Variants in KDM4C observed in about 807,000 individuals in gnomAD.
The protein encoded by KDM4C is lysine-specific demethylase 4C.
A neutral mutation model predicts 129.3 loss-of-function variants in KDM4C; 81 were observed. That is an observed-to-expected ratio of 0.63 (90% confidence interval 0.52 to 0.75). The LOEUF (loss-of-function observed/expected upper bound fraction) is 0.75. Ranked by LOEUF, KDM4C falls within the 30% of genes least tolerant of loss-of-function variation. KDM4C has a pLI of 0.00. For missense variants in KDM4C, 1,457 were observed against 1,304.0 expected, an observed-to-expected ratio of 1.12 and a Z score of -1.81; for synonymous variants, 573 against 456.1, an observed-to-expected ratio of 1.26 and a Z score of -3.26.
At chr9:7,150,185 G>A (rs1256448960) in intron 19 of KDM4C, among the ~76,000 whole-genome samples, 1 of 152,222 alleles carries the variant, frequency 6.6e-6, no homozygotes, top group Non-Finnish European at 1.5e-5. Context: ...CCCACAGAGT[G>A]CCGCAGGAGC....
At chr9:6,859,012 A>G (rs931481540) in intron 5 of KDM4C, among the ~76,000 whole-genome samples, 1 of 152,184 alleles carries the variant, frequency 6.6e-6, no homozygotes, top group Non-Finnish European at 1.5e-5. Flanking sequence ...TAGGATTACA[A>G]ATAGATTTAT....
chr9:6,774,242 C>A (rs1822529722), intron 1 of KDM4C, among the ~76,000 whole-genome samples: 2 of 152,136 alleles, frequency 1.3e-5, no homozygotes, highest in South Asian at 4.1e-4. Context: ...AGTCTACAGT[C>A]CTCTGTTGGG....
intron 19 of KDM4C, among the ~76,000 whole-genome samples, chr9:7,152,174 A>T (rs1187022163): frequency 1.3e-5 from 2 of 152,222 alleles, no homozygotes; most frequent in African/African-American, 4.8e-5. Context: ...CCTTTTTACC[A>T]AGTAACTCTT....
intron 15 of KDM4C, among the ~76,000 whole-genome samples, chr9:7,027,101 G>A (rs1268818739): frequency 6.6e-6 from 1 of 152,000 alleles, no homozygotes; most frequent in Non-Finnish European, 1.5e-5. Flanking sequence ...GCCTTATTTA[G>A]TTTACTTGGT....
At chr9:7,128,598 ATTCTTTTATGACT>A (rs1840278395) in intron 19 of KDM4C, among the ~76,000 whole-genome samples, 1 of 152,216 alleles carries the variant, frequency 6.6e-6, no homozygotes, top group African/African-American at 2.4e-5. Flanking sequence ...ACAAATTTGA[ATTCTTTTATGACT>A]TTCTTTTCTT....
intron 1 of KDM4C, among the ~76,000 whole-genome samples, chr9:6,776,235 A>C (rs1033903823): frequency 2.0e-5 from 3 of 152,056 alleles, no homozygotes; most frequent in Non-Finnish European, 4.4e-5. Flanking sequence ...CAGGCTTTAC[A>C]GGTGTATGCC....
intron 8 of KDM4C, among the ~76,000 whole-genome samples, chr9:6,926,618 A>AGTAAGGAAGGCC (rs1340363162): frequency 6.6e-6 from 1 of 152,208 alleles, no homozygotes; most frequent in African/African-American, 2.4e-5. Context: ...CTCTAGCACG[A>AGTAAGGAAGGCC]GTAAGGAAGG....
chr9:6,731,759 C>G (rs1588038202), intron 1 of KDM4C, among the ~76,000 whole-genome samples: 1 of 152,152 alleles, frequency 6.6e-6, no homozygotes, highest in Non-Finnish European at 1.5e-5. Context: ...ACTTAGCTGA[C>G]AGTGTGACCA....
chr9:6,871,855 C>G (rs1242332524), intron 5 of KDM4C, among the ~76,000 whole-genome samples: 1 of 152,010 alleles, frequency 6.6e-6, no homozygotes, highest in Non-Finnish European at 1.5e-5. Context: ...CAAGACCTAT[C>G]AAGACAAAAA....
At chr9:6,736,405 G>A (rs1419577155) in intron 1 of KDM4C, among the ~76,000 whole-genome samples, 1 of 152,142 alleles carries the variant, frequency 6.6e-6, no homozygotes, top group Non-Finnish European at 1.5e-5. Context: ...AGGCCTAGGA[G>A]GAAAAAGTGG....
intron 17 of KDM4C, among the ~76,000 whole-genome samples, chr9:7,084,040 G>C (rs948943029): frequency 2.2e-4 from 33 of 152,126 alleles, no homozygotes; most frequent in African/African-American, 7.7e-4. Flanking sequence ...TCAAGGCTCT[G>C]GGTAACCTAG....
chr9:6,838,545 A>AT (rs1422836939), intron 4 of KDM4C, among the ~76,000 whole-genome samples: 1 of 151,738 alleles, frequency 6.6e-6, no homozygotes, highest in Non-Finnish European at 1.5e-5. Context: ...CGTTTTCCCC[A>AT]TTTTTTCTCT....
At chr9:6,863,523 A>C (rs1425404063) in intron 5 of KDM4C, among the ~76,000 whole-genome samples, 1 of 152,094 alleles carries the variant, frequency 6.6e-6, no homozygotes, top group East Asian at 1.9e-4. Context: ...GGGGCTGGGC[A>C]CCATGGCTCA....
At chr9:6,721,308 C>G (rs3955039) in intron 1 of KDM4C, 1 of 121,434 alleles carries the variant, frequency 8.2e-6, no homozygotes, top group Non-Finnish European at 1.5e-5. Flanking sequence ...CAGAGTCTCT[C>G]TCTCTCTCTC....
At chr9:6,889,211 T>C (rs961878850) in intron 7 of KDM4C, among the ~76,000 whole-genome samples, 1 of 61,552 alleles carries the variant, frequency 1.6e-5, no homozygotes, top group African/African-American at 6.7e-5. Context: ...GGCCTTCTTT[T>C]TGTGTGTGTG....
intron 7 of KDM4C, among the ~76,000 whole-genome samples, chr9:6,889,871 G>T (rs181789813): frequency 2.0e-3 from 300 of 152,312 alleles, no homozygotes; most frequent in African/African-American, 6.8e-3. Flanking sequence ...GGAGCTTGGA[G>T]CTCTTTTCTA....
chr9:7,044,915 C>G (rs759546747), intron 15 of KDM4C, among the ~76,000 whole-genome samples: 1 of 151,802 alleles, frequency 6.6e-6, no homozygotes, highest in South Asian at 2.1e-4. Flanking sequence ...AATGAGGAGT[C>G]TAAGGGTCAT....
In KDM4C at chr9:6,779,711, C is replaced by G. The variant is rs1431290862; in HGVS notation, c.-17-13261C>G. Among the ~76,000 whole-genome samples the G allele has an allele frequency of 2.6e-5, 4 of 152,282 alleles. 1 individual carries two copies. In the East Asian group the frequency reaches 7.7e-4, roughly 29 times the overall value. ...CCAGTCAATATCAAATCCCTTTCTG[C>G]TTAAGTTAACCAGAGCAGTGTCTAT... is the stretch of plus-strand genomic sequence containing the variant. On this transcript the variant is annotated intron_variant, in intron 1 of 21. Transcript: ENST00000381309.
chr9:6,760,445 G>GTGTATATATATATATATATA (rs139577101), intron 1 of KDM4C, among the ~76,000 whole-genome samples: 7 of 142,534 alleles, frequency 4.9e-5, no homozygotes, highest in African/African-American at 1.6e-4. Flanking sequence ...CTACTCTTGG[G>GTGTATATATATATATATATA]TATATATATA....
Sources: allele counts gnomAD v4.1 joint callset (sites outside exome capture counted in the v4.1 genomes callset), GRCh38; gene constraint gnomAD v4.1.1; transcripts MANE v1.5; gene names NCBI Gene and HGNC (gene_info 2026-07-23, HGNC 2026-07-21).